CDYL: variants seen among roughly 807,000 people sequenced by gnomAD.
CDYL encodes chromodomain Y-like protein.
In CDYL, 8 loss-of-function variants were observed where a neutral mutation model predicts 47.3. That is an observed-to-expected ratio of 0.17 (90% CI 0.10 to 0.31). The LOEUF (loss-of-function observed/expected upper bound fraction) is 0.31. CDYL is among the 10% of genes least tolerant of loss of function. CDYL has a pLI of 1.00. For missense variants in CDYL, 471 were observed against 701.4 expected (o/e 0.67, Z 3.71); for synonymous variants, 266 against 265.0 (o/e 1.00, Z -0.04).
At chr6:4,732,897 G>A (rs911719392) in intron 2 of CDYL, among the ~76,000 whole-genome samples, 1 of 152,178 alleles carries the variant, frequency 6.6e-6, no homozygotes, top group African/African-American at 2.4e-5. Flanking sequence ...GAGGTGGTGA[G>A]GAGTCCCTGC....
chr6:4,708,212 C>G (rs921292287), intron 1 of CDYL, among the ~76,000 whole-genome samples: 3 of 152,134 alleles, frequency 2.0e-5, no homozygotes, highest in Non-Finnish European at 4.4e-5. Context: ...GAATCTTGCT[C>G]TGTCACCCAG....
intron 1 of CDYL, among the ~76,000 whole-genome samples, chr6:4,847,575 T>C (rs1041605452): frequency 1.3e-5 from 2 of 152,208 alleles, no homozygotes; most frequent in African/African-American, 4.8e-5. Context: ...TTTCCATTGT[T>C]TCTCTTGTCA....
intron 3 of CDYL, among the ~76,000 whole-genome samples, chr6:4,764,226 A>G (rs1381909848): frequency 6.6e-6 from 1 of 152,218 alleles, no homozygotes; most frequent in Non-Finnish European, 1.5e-5. Context: ...TAAAAAACAC[A>G]TTTGGAGAAA....
chr6:4,775,686 C>T (rs1438899218), upstream of CDYL, among the ~76,000 whole-genome samples: 2 of 149,044 alleles, frequency 1.3e-5, no homozygotes, highest in African/African-American at 2.4e-5. This position sits in a 1 kb window ranked among gnomAD's most constrained non-coding sequence, Gnocchi z 7.0. Flanking sequence ...CGGCCTGCCG[C>T]GGAGCCAGCG....
At chr6:4,925,734 A>G (rs1171684480) in intron 2 of CDYL, among the ~76,000 whole-genome samples, 1 of 152,048 alleles carries the variant, frequency 6.6e-6, no homozygotes, top group Non-Finnish European at 1.5e-5. Flanking sequence ...GTAGGCATGG[A>G]TGAGTAGGTG....
At chr6:4,935,872 TC>T in intron 3 of CDYL, 101 bp downstream of exon 3, 1 of 1,537,070 alleles carries the variant, frequency 6.5e-7, no homozygotes, top group Non-Finnish European at 8.7e-7. Context: ...TTTCTAAACC[TC>T]CTTTTGGGCC....
chr6:4,755,994 C>T (rs1416696424), intron 3 of CDYL, among the ~76,000 whole-genome samples: 3 of 152,194 alleles, frequency 2.0e-5, no homozygotes, highest in Admixed American at 1.3e-4. Context: ...TTTCCCTCCT[C>T]CTTATTATTT....
chr6:4,723,227 G>A (rs909463804), intron 2 of CDYL, among the ~76,000 whole-genome samples: 3 of 152,116 alleles, frequency 2.0e-5, no homozygotes, highest in Non-Finnish European at 4.4e-5. Flanking sequence ...GAAATTTAGC[G>A]ATGATTTAGA....
intron 1 of CDYL, among the ~76,000 whole-genome samples, chr6:4,888,530 C>A (rs1581237301): frequency 6.6e-6 from 1 of 151,964 alleles, no homozygotes; most frequent in South Asian, 2.1e-4. Context: ...GTTTATTTTT[C>A]TTAATCAAAA....
intron 2 of CDYL, chr6:4,733,081 T>C (rs1369342349): frequency 6.6e-6 from 1 of 152,258 alleles, no homozygotes; most frequent in Non-Finnish European, 1.5e-5. Context: ...CCCTCGCAGC[T>C]CTGGGTACAG....
chr6:4,895,870 C>T (rs1008064531), intron 2 of CDYL, among the ~76,000 whole-genome samples: 4 of 152,230 alleles, frequency 2.6e-5, no homozygotes, highest in Admixed American at 6.5e-5. Flanking sequence ...TTCTAAAAAA[C>T]ATCCATCCAC....
At chr6:4,791,950 T>C (rs1449908417) in intron 1 of CDYL, among the ~76,000 whole-genome samples, 1 of 150,860 alleles carries the variant, frequency 6.6e-6, no homozygotes, top group African/African-American at 2.4e-5. Flanking sequence ...TGGCGCGATC[T>C]CAGCTCACTG....
In CDYL at chr6:4,918,862, T is replaced by A. The variant is rs538547181; in HGVS notation, c.692-16653T>A. Among the ~76,000 whole-genome samples, 7 of 152,316 alleles carry A rather than the reference T, an allele frequency of 4.6e-5. No homozygotes were observed. In the South Asian group the frequency reaches 1.5e-3, roughly 32 times the overall value. On this transcript the variant is annotated intron_variant, in intron 2 of 6. Coordinates refer to ENST00000397588, the MANE Select transcript of CDYL (RefSeq NM_004824.4). ...CTAAAGACTTTGCTGCTTTTCTGATTTAGGAGTCCAAATCCCCTTAAGGAT... is the reference window on the plus strand; with the variant it reads ...CTAAAGACTTTGCTGCTTTTCTGATATAGGAGTCCAAATCCCCTTAAGGAT...
chr6:4,951,358 T>A (rs1430323085), intron 5 of CDYL, among the ~76,000 whole-genome samples: 1 of 152,064 alleles, frequency 6.6e-6, no homozygotes, highest in Non-Finnish European at 1.5e-5. Flanking sequence ...TGTGCACCCC[T>A]TCCCGCCTTA....
chr6:4,799,821 A>G (rs1759175472), intron 1 of CDYL, among the ~76,000 whole-genome samples: 1 of 152,028 alleles, frequency 6.6e-6, no homozygotes, highest in South Asian at 2.1e-4. Flanking sequence ...TCCAAATACG[A>G]TTGTGCATTG....
intron 1 of CDYL, among the ~76,000 whole-genome samples, chr6:4,840,783 G>T (rs898493806): frequency 6.6e-5 from 10 of 152,126 alleles, no homozygotes; most frequent in Non-Finnish European, 1.2e-4. Flanking sequence ...AGTGTTGTTG[G>T]ATTCAGTTTG....
intron 1 of CDYL, among the ~76,000 whole-genome samples, chr6:4,872,969 A>G (rs1761517206): frequency 6.6e-6 from 1 of 152,238 alleles, no homozygotes; most frequent in Admixed American, 6.5e-5. Flanking sequence ...GAAATAATAA[A>G]TGCTTTGTTA....
chr6:4,922,906 G>A (rs1332092716), intron 2 of CDYL, among the ~76,000 whole-genome samples: 2 of 152,228 alleles, frequency 1.3e-5, no homozygotes, highest in East Asian at 1.9e-4. Flanking sequence ...CAGAGTCCTC[G>A]GGTGCCTGCA....
At chr6:4,952,987 C>T (rs1758755061) in intron 6 of CDYL, among the ~76,000 whole-genome samples, 2 of 151,078 alleles carry the variant, frequency 1.3e-5, no homozygotes, top group Admixed American at 6.6e-5. Flanking sequence ...AGGCTGGTCT[C>T]GAACTCCTGA....
Sources: gnomAD v4.1 joint callset for allele counts (sites outside exome capture counted in the v4.1 genomes callset) on GRCh38, gnomAD v4.1.1 for gene constraint, Gnocchi (gnomAD v3.1) non-coding constraint, MANE v1.5 for transcripts, NCBI Gene and HGNC (gene_info 2026-07-23, HGNC 2026-07-21) for gene names.